PARG: variants seen among roughly 807,000 people sequenced by gnomAD.
PARG encodes poly(ADP-ribose) glycohydrolase, also known as mitochondrial poly(ADP-ribose) glycohydrolase.
In PARG, 35 loss-of-function variants were observed where a neutral mutation model predicts 113.0. The ratio of observed to expected loss-of-function variants is 0.31; its 90% confidence interval spans 0.24 to 0.41. The LOEUF (loss-of-function observed/expected upper bound fraction) is 0.41, where lower values mean the gene tolerates loss of function less well. Among genes scored for constraint, PARG ranks in the 10% least tolerant of loss-of-function variants. PARG has a pLI of 1.00. For synonymous variants in PARG, 330 were observed against 409.9 expected (o/e 0.81, Z 2.36); for missense variants, 797 against 1,169.4 (o/e 0.68, Z 4.64).
chr10:49,926,913 A>C (rs1589003022), intron 4 of PARG, among the ~76,000 whole-genome samples: 2 of 152,300 alleles, frequency 1.3e-5, no homozygotes, highest in East Asian at 3.9e-4. Context: ...CCTGCAAACA[A>C]ACACCCCTAC....
Position 49,941,845 on chromosome 10 carries a change from C to G in PARG, c.-120G>C. On this transcript the variant is annotated 5_prime_UTR_variant, in exon 1 of 18. Coordinates refer to ENST00000616448, the MANE Select transcript of PARG (RefSeq NM_003631.5). The stretch of plus-strand genomic sequence containing the variant: ...CCTGCCTGCACCATTCCCTCTCTGC[C>G]GCTGCCTGCTTCTGCAATTGCTGAT... The G allele has an allele frequency of 1.3e-6, 2 of 1,521,662 alleles. No individual in the cohort carries two copies. Among genetic ancestry groups the G allele is most frequent in the Admixed American group, 3.9e-5 (2 of 50,984 alleles). 94.3% of individuals were successfully genotyped at this position (1,521,662 alleles called of 1,614,324 possible).
chr10:49,849,485 T>C (rs1312013813), intron 13 of PARG, among the ~76,000 whole-genome samples: 1 of 151,656 alleles, frequency 6.6e-6, no homozygotes, highest in Non-Finnish European at 1.5e-5. Context: ...GCTAGAAATA[T>C]CTGATAAAGG....
chr10:49,935,207 T>C, intron 1 of PARG, 65 bp from the exon 2 acceptor site: 2 of 662,662 alleles, frequency 3.0e-6, no homozygotes, highest in Non-Finnish European at 5.5e-6. Context: ...ATATTGTACA[T>C]GCAAGGAACT....
In PARG at chr10:49,866,918, G is replaced by A. The variant is rs1373323020; in HGVS notation, c.2069-1537C>T. Among the ~76,000 whole-genome samples, 3 of 151,624 alleles carry A rather than the reference G, an allele frequency of 2.0e-5. No individual in the cohort carries two copies. The East Asian group carries it at 5.8e-4, about 29-fold the overall frequency. On this transcript the variant is annotated intron_variant, in intron 10 of 17. Transcript: ENST00000616448. ...TCAGAAGGCTTTTTAAAATACTTCA[G>A]TCTCAAGATCTTCATCAGATATAAA... is the stretch of plus-strand genomic sequence containing the variant.
chr10:49,836,170 C>A (rs1328856018), intron 15 of PARG, among the ~76,000 whole-genome samples: 2 of 152,018 alleles, frequency 1.3e-5, no homozygotes, highest in African/African-American at 4.8e-5. Context: ...ATTCTATTTG[C>A]TGGAATAATT....
chr10:49,895,370 G>A (rs1320391002), intron 7 of PARG, among the ~76,000 whole-genome samples: 1 of 151,182 alleles, frequency 6.6e-6, no homozygotes, highest in Non-Finnish European at 1.5e-5. Context: ...TGCCTGCTTG[G>A]TATTATGATT....
intron 7 of PARG, among the ~76,000 whole-genome samples, chr10:49,901,933 T>C (rs1358384256): frequency 1.3e-5 from 2 of 152,316 alleles, no homozygotes; most frequent in East Asian, 1.9e-4. Flanking sequence ...AAATGTTCTA[T>C]ATCTGTGCTG....
chr10:49,848,827 A>G (rs1299964759), intron 13 of PARG, among the ~76,000 whole-genome samples: 2 of 152,234 alleles, frequency 1.3e-5, no homozygotes, highest in Admixed American at 6.5e-5. Context: ...AAATCTGACA[A>G]AATGGGGAAG....
rs1402167870 is a variant in PARG, at chr10:49,843,204, T to C, written c.2432+350A>G. Among the ~76,000 whole-genome samples, 3 of 152,212 alleles carry C rather than the reference T, an allele frequency of 2.0e-5. No individual in the cohort carries two copies. The East Asian group carries it at 5.8e-4, about 29-fold the overall frequency. ...GAAAAATTAAAGATAACTTAATAAG[T>C]TGGTCAAAGGCTTTAAGCTCTAATT... On this transcript the variant is annotated intron_variant, in intron 14 of 17. Transcript: ENST00000616448.
chr10:49,911,886 T>C (rs140540967), intron 7 of PARG, among the ~76,000 whole-genome samples: 1,961 of 152,326 alleles, frequency 0.013, 39 homozygotes, highest in African/African-American at 0.043. Flanking sequence ...AGGAGATAAA[T>C]ATCAACAGCT....
intron 7 of PARG, among the ~76,000 whole-genome samples, chr10:49,899,844 A>C (rs1848268324): frequency 6.6e-6 from 1 of 152,276 alleles, no homozygotes; most frequent in East Asian, 1.9e-4. Context: ...ATGAATTTTC[A>C]AAGTGTTTAT....
intron 13 of PARG, among the ~76,000 whole-genome samples, chr10:49,848,782 T>TA (rs1845628212): frequency 6.6e-6 from 1 of 152,098 alleles, no homozygotes; most frequent in African/African-American, 2.4e-5. Context: ...TTTAAAAACT[T>TA]ACAACAGCAA....
At chr10:49,904,684 C>T (rs1209433722) in intron 7 of PARG, among the ~76,000 whole-genome samples, 4 of 151,530 alleles carry the variant, frequency 2.6e-5, no homozygotes, top group East Asian at 1.9e-4. Context: ...GGAGGCCCAA[C>T]GTGGGCGGAT....
At position 49,905,152 on chromosome 10, in the gene PARG, T is replaced by C. The variant is rs567031437; in HGVS notation, c.1737+10765A>G. On this transcript the variant is annotated intron_variant, in intron 7 of 17. Transcript: ENST00000616448. ...ACAAGAAAGAGAAGCATGAGGTATG[T>C]TGAAACCCTTAAAATAAAGAAACTT... Among the ~76,000 whole-genome samples the C allele has an allele frequency of 2.0e-5, 3 of 152,422 alleles. No homozygotes were observed. In the East Asian group the frequency reaches 5.8e-4, roughly 29 times the overall value.
At chr10:49,829,449 C>G (rs1006814683) in intron 16 of PARG, among the ~76,000 whole-genome samples, 5 of 152,096 alleles carry the variant, frequency 3.3e-5, no homozygotes, top group Non-Finnish European at 7.4e-5. Flanking sequence ...GGATTTATAC[C>G]TGCCCATGTT....
In PARG at chr10:49,819,097, A is replaced by G. The variant is rs933184962; in HGVS notation, c.*243T>C. On this transcript the variant is annotated 3_prime_UTR_variant, in exon 18 of 18. Transcript: ENST00000616448. The stretch of plus-strand genomic sequence containing the variant: ...GGACAAAAGAAATAAACATCAAAGA[A>G]TGAAAAACTGAAATAGAAGAAAATA... The G allele has an allele frequency of 2.8e-6, 1 of 358,626 alleles. No individual in the cohort carries two copies. The highest frequency in any genetic ancestry group is 2.1e-5 in the African/African-American group (1 of 47,398). 22.2% of individuals were successfully genotyped at this position (358,626 alleles called of 1,614,324 possible).
At chr10:49,883,014 C>A (rs1233677378) in intron 8 of PARG, among the ~76,000 whole-genome samples, 2 of 150,398 alleles carry the variant, frequency 1.3e-5, no homozygotes, top group Non-Finnish European at 3.0e-5. Flanking sequence ...TAACTTCCAA[C>A]AGAAACAAGA....
At chr10:49,865,798 T>G (rs1846484348) in intron 10 of PARG, among the ~76,000 whole-genome samples, 1 of 150,462 alleles carries the variant, frequency 6.6e-6, no homozygotes, top group Admixed American at 6.6e-5. Flanking sequence ...TGTAGACTCC[T>G]TTACAAAGAA....
At chr10:49,939,010 A>G (rs1310275417) in intron 1 of PARG, among the ~76,000 whole-genome samples, 1 of 152,070 alleles carries the variant, frequency 6.6e-6, no homozygotes, top group Non-Finnish European at 1.5e-5. Context: ...TTCATTTGGT[A>G]CCTCTTCTGC....
Sources: allele counts gnomAD v4.1 joint callset (sites outside exome capture counted in the v4.1 genomes callset), GRCh38; gene constraint gnomAD v4.1.1; transcripts MANE v1.5; gene names NCBI Gene and HGNC (gene_info 2026-07-23, HGNC 2026-07-21).